SLC19A1: variants seen among roughly 807,000 people sequenced by gnomAD.
SLC19A1 encodes the protein solute carrier family 19 member 1.
A neutral mutation model predicts 35.3 loss-of-function variants in SLC19A1; 37 were observed. The ratio of observed to expected loss-of-function variants is 1.05; its 90% CI spans 0.81 to 1.38. The LOEUF (loss-of-function observed/expected upper bound fraction) is 1.38, where lower values mean the gene tolerates loss of function less well. SLC19A1 is among the 40% of genes most tolerant of loss of function. SLC19A1 has a pLI of 0.00. For missense variants in SLC19A1, 831 were observed against 826.9 expected, an observed-to-expected ratio of 1.00 and a Z score of -0.06; for synonymous variants, 460 against 398.5, an observed-to-expected ratio of 1.15 and a Z score of -1.84.
chr21:45,531,960 G>A lies in SLC19A1; in HGVS notation c.378C>T (p.Tyr126=), dbSNP rs199845518. 1.1e-5 allele frequency: 18 copies of A among 1,608,816 alleles called. No homozygotes were observed. The highest frequency in any genetic ancestry group is 8.0e-5 in the African/African-American group (6 of 74,978). The part of the protein sequence containing the change: ...VAHMQLMELF[Y]SVTMAARIAY... Reference sequence around the variant, plus strand: ...CGATGCGCGCGGCCATGGTGACGCTGTAGAAGAGCTCCATGAGCTGCATGT... The same window carrying A: ...CGATGCGCGCGGCCATGGTGACGCTATAGAAGAGCTCCATGAGCTGCATGT... Residue 126 remains tyrosine, a synonymous_variant, in exon 3 of 6, where the codon TAC becomes TAT. Coordinates refer to ENST00000311124, the MANE Select transcript of SLC19A1 (RefSeq NM_194255.4).
chr21:45,511,138 G>T (rs779369005), downstream of SLC19A1: 1 of 1,592,450 alleles, frequency 6.3e-7, no homozygotes, highest in Non-Finnish European at 8.6e-7. Context: ...CAGCTGGGAG[G>T]CTCTGTTCTC....
In SLC19A1 at chr21:45,515,050, T is replaced by C; in HGVS notation, c.*608A>G. ...CTTAGGGTGGGAGAGAGGAACCAGC[T>C]CCGAGGACCAGAGCCGCTGCTCCCC... is the stretch of plus-strand genomic sequence containing the variant. On this transcript the variant is annotated 3_prime_UTR_variant, in exon 6 of 6. Transcript: ENST00000311124. 2 of 1,543,774 alleles carry C rather than the reference T, an allele frequency of 1.3e-6. No homozygotes were observed. Among genetic ancestry groups the C allele is most frequent in the Non-Finnish European group, 1.7e-6 (2 of 1,144,950 alleles).
chr21:45,555,497 G>T (rs996224781), intron 1 of SLC19A1, among the ~76,000 whole-genome samples: 2 of 133,186 alleles, frequency 1.5e-5, no homozygotes, highest in East Asian at 4.8e-4. Flanking sequence ...GGGTGGCCAT[G>T]CAGGCGACGC....
Position 45,531,344 on chromosome 21 carries a change from G to GGAAGCCTCTGCGGGAA in SLC19A1, c.949+29_949+44dup, listed in dbSNP as rs758157888. On this transcript the variant is annotated intron_variant, in intron 3 of 5. Transcript: ENST00000311124. ...TCCACGGGGCAGGCGGAGGTGGACGGGAAGCCTCTGCGGGAAGAAGCCTCG... is the reference window on the plus strand; with the variant it reads ...TCCACGGGGCAGGCGGAGGTGGACGGGAAGCCTCTGCGGGAAGAAGCCTCTGCGGGAAGAAGCCTCG... 2.6e-6 allele frequency: 4 copies of GGAAGCCTCTGCGGGAA among 1,537,844 alleles called. No individual in the cohort carries two copies. In the African/African-American group the frequency reaches 4.1e-5, roughly 16 times the overall value.
chr21:45,559,894 G>C (rs1474431803), intron 1 of SLC19A1, among the ~76,000 whole-genome samples: 2 of 151,766 alleles, frequency 1.3e-5, no homozygotes, highest in Non-Finnish European at 2.9e-5. Context: ...GATGATGGGG[G>C]CAGACAGCCC....
intron 5 of SLC19A1, among the ~76,000 whole-genome samples, chr21:45,518,984 T>C (rs2077358138): frequency 6.6e-6 from 1 of 152,208 alleles, no homozygotes; most frequent in African/African-American, 2.4e-5. Flanking sequence ...AGACTTTCCT[T>C]CTTTAGTTTC....
chr21:45,512,544 A>AAAT (rs1161095632), downstream of SLC19A1: 2 of 729,296 alleles, frequency 2.7e-6, no homozygotes, highest in Non-Finnish European at 4.5e-6. Context: ...AATCCTCAAG[A>AAAT]AATAAAAGGA....
At chr21:45,548,618 C>T (rs961012801), upstream of SLC19A1, among the ~76,000 whole-genome samples, 5 of 152,018 alleles carry the variant, frequency 3.3e-5, no homozygotes, top group African/African-American at 9.7e-5. Context: ...GTGGCGGGTG[C>T]CTGTAGTCCC....
At chr21:45,526,575 ATTT>A (rs1185523876) in intron 4 of SLC19A1, among the ~76,000 whole-genome samples, 1 of 151,990 alleles carries the variant, frequency 6.6e-6, no homozygotes, top group Non-Finnish European at 1.5e-5. Flanking sequence ...CAAATTCTGG[ATTT>A]TTTGTTATTT....
intron 3 of SLC19A1, chr21:45,506,220 T>C: frequency 1.9e-6 from 1 of 525,622 alleles, no homozygotes; most frequent in East Asian, 3.4e-5. Flanking sequence ...GTGGGTCATG[T>C]CACAGTGAAC....
chr21:45,547,620 C>T (rs559675358), upstream of SLC19A1, among the ~76,000 whole-genome samples: 5 of 152,324 alleles, frequency 3.3e-5, no homozygotes, highest in East Asian at 7.7e-4. Flanking sequence ...CCAATCCCGA[C>T]ATGTTTAGCT....
intron 1 of SLC19A1, among the ~76,000 whole-genome samples, chr21:45,559,081 A>G (rs1229374816): frequency 6.6e-6 from 1 of 152,156 alleles, no homozygotes; most frequent in East Asian, 1.9e-4. Context: ...TGCTGGGATT[A>G]CAGGCATGAG....
chr21:45,560,937 C>T (rs1209662222), intron 1 of SLC19A1, among the ~76,000 whole-genome samples: 3 of 152,236 alleles, frequency 2.0e-5, no homozygotes, highest in African/African-American at 7.2e-5. Context: ...TGGCCTGGCT[C>T]AGCCTCAGCT....
At chr21:45,512,518 A>G, downstream of SLC19A1, 3 of 871,824 alleles carry the variant, frequency 3.4e-6, no homozygotes, top group African/African-American at 1.7e-5. Context: ...TTTCCTGTAT[A>G]GTTCACGTTT....
At position 45,514,522 on chromosome 21, in the gene SLC19A1, C is replaced by T. The variant is rs148923120; in HGVS notation, c.*1136G>A. 429 of 154,362 alleles carry T rather than the reference C, an allele frequency of 2.8e-3. 2 individuals are homozygous for T. Among genetic ancestry groups the T allele is most frequent in the African/African-American group, 9.6e-3 (398 of 41,638 alleles). 9.6% of individuals were successfully genotyped at this position (154,362 alleles called of 1,614,324 possible). A position where few individuals can be genotyped will look rare whatever the true frequency, so the allele number is the denominator to read the frequency against. ...GAGCAGCCAGCCATTCACCTGGGGCCGCTGAGATGTGGCAGAGGCCCCACA... is the reference window on the plus strand; with the variant it reads ...GAGCAGCCAGCCATTCACCTGGGGCTGCTGAGATGTGGCAGAGGCCCCACA... On this transcript the variant is annotated 3_prime_UTR_variant, in exon 6 of 6. Coordinates refer to ENST00000311124, the MANE Select transcript of SLC19A1 (RefSeq NM_194255.4).
downstream of SLC19A1, chr21:45,511,286 C>CGGGA (rs371233430): frequency 2.2e-6 from 2 of 909,128 alleles, no homozygotes; most frequent in African/African-American, 3.3e-5. Flanking sequence ...GGCGGGCGGG[C>CGGGA]GGGCTCCTAT....
At chr21:45,538,087 C>T in intron 1 of SLC19A1, 79 bp from the exon 2 acceptor site, 3 of 774,788 alleles carry the variant, frequency 3.9e-6, no homozygotes, top group Non-Finnish European at 5.6e-6. Context: ...GGCCCAGTGC[C>T]GGCCTCCTCG....
At chr21:45,509,624 C>T (rs1205354699), downstream of SLC19A1, 4 of 1,309,172 alleles carry the variant, frequency 3.1e-6, no homozygotes, top group Admixed American at 5.9e-5. Flanking sequence ...CCAAAGTGGG[C>T]TTGGCTCCAT....
intron 4 of SLC19A1, among the ~76,000 whole-genome samples, chr21:45,527,225 A>G (rs576943599): frequency 1.8e-5 from 2 of 109,198 alleles, no homozygotes; most frequent in Non-Finnish European, 3.6e-5. Context: ...CCTGGAGGTG[A>G]GTGGCAATTG....
Sources: allele counts gnomAD v4.1 joint callset (sites outside exome capture counted in the v4.1 genomes callset), GRCh38; gene constraint gnomAD v4.1.1; transcripts MANE v1.5; gene names NCBI Gene and HGNC (gene_info 2026-07-23, HGNC 2026-07-21).